KALRN: variants seen among roughly 807,000 people sequenced by gnomAD.
KALRN encodes kalirin RhoGEF kinase, also known as kalirin.
In KALRN, 70 loss-of-function variants were observed where a neutral mutation model predicts 353.7. The observed-to-expected ratio is 0.20, with a 90% CI of 0.16 to 0.24. KALRN has a LOEUF of 0.24. Among genes scored for constraint, KALRN ranks in the 10% least tolerant of loss-of-function variants. The pLI, the probability that KALRN is intolerant of heterozygous loss-of-function variation, is 1.00. For missense variants in KALRN, 2,791 were observed against 3,756.7 expected (o/e 0.74, Z 6.72); for synonymous variants, 1,391 against 1,434.8 (o/e 0.97, Z 0.69).
Position 124,079,602 on chromosome 3 carries a change from G to C in KALRN, c.73+45789G>C, listed in dbSNP as rs1378733429. On this transcript the variant is annotated intron_variant, in intron 1 of 59. Coordinates refer to ENST00000682506, the MANE Select transcript of KALRN (RefSeq NM_001388419.1). Reference sequence around the variant, plus strand: ...ACTACATTGATTGAAAATTGATTCTGCAGTCAAAATATGGAATCATAGAAC... The same window carrying C: ...ACTACATTGATTGAAAATTGATTCTCCAGTCAAAATATGGAATCATAGAAC... 2.6e-5 allele frequency among the ~76,000 whole-genome samples: 4 copies of C among 152,226 alleles called. No homozygotes were observed. In the East Asian group the frequency reaches 7.7e-4, roughly 29 times the overall value.
chr3:124,186,301 T>C (rs2074226086), intron 1 of KALRN, among the ~76,000 whole-genome samples: 1 of 152,268 alleles, frequency 6.6e-6, no homozygotes, highest in Admixed American at 6.5e-5. Flanking sequence ...GTTAGGTACA[T>C]GGATTCTCAA....
At chr3:124,518,185 G>A (rs1274258564) in intron 33 of KALRN, among the ~76,000 whole-genome samples, 1 of 152,132 alleles carries the variant, frequency 6.6e-6, no homozygotes, top group Non-Finnish European at 1.5e-5. Context: ...CTTCTGAACC[G>A]TCAGACCAAG....
chr3:124,375,287 C>T (rs1194351792), intron 10 of KALRN, among the ~76,000 whole-genome samples: 1 of 152,232 alleles, frequency 6.6e-6, no homozygotes, highest in Non-Finnish European at 1.5e-5. Flanking sequence ...GCGCACGCCT[C>T]ATTTTGGTCT....
At chr3:124,201,753 G>C (rs572768672) in intron 1 of KALRN, among the ~76,000 whole-genome samples, 3 of 152,202 alleles carry the variant, frequency 2.0e-5, no homozygotes, top group Non-Finnish European at 2.9e-5. Context: ...ATAGACCTGG[G>C]AGTGTTTGCT....
intron 14 of KALRN, among the ~76,000 whole-genome samples, chr3:124,416,085 A>C (rs1453665279): frequency 6.6e-6 from 1 of 152,216 alleles, no homozygotes; most frequent in Non-Finnish European, 1.5e-5. Flanking sequence ...ACTGGGAACC[A>C]TAAGAGAATG....
At chr3:124,068,352 C>T (rs2042553994) in intron 1 of KALRN, among the ~76,000 whole-genome samples, 1 of 152,158 alleles carries the variant, frequency 6.6e-6, no homozygotes, top group African/African-American at 2.4e-5. Context: ...TGTGAGGTTA[C>T]AGCATGTGAG....
chr3:124,417,316 G>T (rs1170791961), intron 14 of KALRN, among the ~76,000 whole-genome samples: 2 of 152,106 alleles, frequency 1.3e-5, no homozygotes, highest in African/African-American at 4.8e-5. Context: ...GATTCCTAAG[G>T]TTCCCTCCAG....
Position 124,720,768 on chromosome 3 carries a change from T to A in KALRN, c.*1298T>A, listed in dbSNP as rs539994927. 1 of 152,228 alleles carries A rather than the reference T, an allele frequency of 6.6e-6. No individual in the cohort carries two copies. The highest frequency in any genetic ancestry group is 1.5e-5 in the Non-Finnish European group (1 of 68,038). The allele number at this position is 152,228 out of a possible 1,614,324, so 9.4% of individuals were successfully genotyped here. Reference sequence around the variant, plus strand: ...TCCATACAAGATTATTATTAACTGCTCTTTTTCCCTCTGGTGGAAAAAAAA... The same window carrying A: ...TCCATACAAGATTATTATTAACTGCACTTTTTCCCTCTGGTGGAAAAAAAA... On this transcript the variant is annotated 3_prime_UTR_variant, in exon 60 of 60. Transcript: ENST00000682506.
At chr3:124,438,342 G>T (rs137987173) in intron 17 of KALRN, among the ~76,000 whole-genome samples, 2 of 152,282 alleles carry the variant, frequency 1.3e-5, no homozygotes, top group Non-Finnish European at 2.9e-5. Context: ...TTGTAATAGA[G>T]GTTCTGGAGA....
intron 32 of KALRN, 135 bp downstream of exon 32, chr3:124,493,017 G>A: frequency 2.2e-6 from 2 of 897,052 alleles, no homozygotes; most frequent in Admixed American, 5.5e-5. Context: ...GTTCTACCTA[G>A]GATGAGTCAT....
intron 34 of KALRN, chr3:124,584,573 G>A (rs1169867918): frequency 2.3e-5 from 30 of 1,325,070 alleles, no homozygotes; most frequent in Admixed American, 3.5e-5. Flanking sequence ...CTGCTGGCCA[G>A]GTCTCCTGCC....
At chr3:124,242,555 T>G (rs1187097296) in intron 3 of KALRN, among the ~76,000 whole-genome samples, 2 of 151,960 alleles carry the variant, frequency 1.3e-5, no homozygotes, top group Non-Finnish European at 1.5e-5. Context: ...TAAGACTGGA[T>G]TTGGAACAGA....
chr3:124,350,988 G>A (rs2082774119), intron 10 of KALRN, among the ~76,000 whole-genome samples: 1 of 152,112 alleles, frequency 6.6e-6, no homozygotes, highest in Admixed American at 6.5e-5. Context: ...CCAGCATCCT[G>A]GGATTGTTAG....
intron 1 of KALRN, among the ~76,000 whole-genome samples, chr3:124,226,499 C>A (rs970618649): frequency 3.9e-5 from 6 of 152,154 alleles, no homozygotes; most frequent in African/African-American, 1.4e-4. Flanking sequence ...AATAAAAAGA[C>A]TTGCAGTCTT....
chr3:124,143,205 C>A (rs2066852729), intron 1 of KALRN, among the ~76,000 whole-genome samples: 2 of 152,166 alleles, frequency 1.3e-5, no homozygotes, highest in African/African-American at 4.8e-5. Context: ...TGCCTCCCCT[C>A]CTTTCTTTCC....
chr3:124,111,138 C>G (rs1018338558), intron 1 of KALRN, among the ~76,000 whole-genome samples: 13 of 152,066 alleles, frequency 8.5e-5, no homozygotes, highest in Non-Finnish European at 4.4e-5. Context: ...AAGGTTGGTC[C>G]TAATCACCCA....
chr3:124,385,565 G>T (rs2088129005), intron 11 of KALRN, among the ~76,000 whole-genome samples: 1 of 152,152 alleles, frequency 6.6e-6, no homozygotes, highest in Non-Finnish European at 1.5e-5. Flanking sequence ...TGATATTAAA[G>T]TTGGTCCTCA....
At chr3:124,391,560 G>T (rs2089385330) in intron 11 of KALRN, among the ~76,000 whole-genome samples, 3 of 152,202 alleles carry the variant, frequency 2.0e-5, no homozygotes, top group African/African-American at 7.2e-5. Flanking sequence ...TCTTTTCAAA[G>T]CATGTTCTTC....
At chr3:124,573,186 G>A (rs1022411423) in intron 34 of KALRN, among the ~76,000 whole-genome samples, 2 of 152,060 alleles carry the variant, frequency 1.3e-5, no homozygotes, top group Non-Finnish European at 2.9e-5. Flanking sequence ...AGAGAGGATG[G>A]CTTGAGTTCA....
Sources: allele counts gnomAD v4.1 joint callset (sites outside exome capture counted in the v4.1 genomes callset), GRCh38; gene constraint gnomAD v4.1.1; transcripts MANE v1.5; gene names NCBI Gene and HGNC (gene_info 2026-07-23, HGNC 2026-07-21).